CCDC141: variants seen among roughly 807,000 people sequenced by gnomAD.
CCDC141 encodes coiled-coil domain-containing protein 141.
CCDC141 carries 168 observed loss-of-function variants against 181.0 expected under a neutral mutation model. The observed-to-expected ratio is 0.93, with a 90% CI of 0.82 to 1.05. The LOEUF is 1.05. CCDC141 is among the 50% of genes least tolerant of loss of function. The probability of loss-of-function intolerance (pLI) is 0.00; values close to 1 mark genes in which losing one functional copy is unlikely to be tolerated. For synonymous variants in CCDC141, 666 were observed against 642.3 expected, an observed-to-expected ratio of 1.04 and a Z score of -0.56; for missense variants, 1,902 against 1,788.5, an observed-to-expected ratio of 1.06 and a Z score of -1.14.
chr2:178,850,724 A>G (rs1452755547), intron 20 of CCDC141, among the ~76,000 whole-genome samples: 1 of 152,160 alleles, frequency 6.6e-6, no homozygotes, highest in African/African-American at 2.4e-5. Context: ...AAATGCCAAC[A>G]TTTCTGTGAA....
At chr2:178,872,553 G>T (rs1686169005) in intron 12 of CCDC141, among the ~76,000 whole-genome samples, 1 of 152,070 alleles carries the variant, frequency 6.6e-6, no homozygotes. Flanking sequence ...TTCCTACCTA[G>T]GGTCTGGTTA....
At chr2:178,836,803 G>C in intron 23 of CCDC141, 91 bp downstream of exon 23, 1 of 1,393,236 alleles carries the variant, frequency 7.2e-7, no homozygotes, top group Non-Finnish European at 9.8e-7. Context: ...TAATCAGCTA[G>C]CCCTAAACCT....
Position 178,878,027 on chromosome 2 carries a change from T to C in CCDC141, c.1836A>G (p.Leu612=), listed in dbSNP as rs1465337553. The C allele has an allele frequency of 1.9e-6, 3 of 1,613,940 alleles. No individual in the cohort carries two copies. The highest frequency in any genetic ancestry group is 1.1e-5 in the South Asian group (1 of 91,074). The change falls in exon 12 of 24, where the codon CTA becomes CTG. Residue 612 remains leucine, a synonymous_variant. Transcript: ENST00000443758. ...CSDSAEKQWQ[L]FLKKSFITQD... is the part of the protein sequence containing the mutation. ...GTGTTATAAAACTCTTCTTTAAAAATAGCTGCCACTGCTTCTCAGCCGAGT... is the reference window on the plus strand; with the variant it reads ...GTGTTATAAAACTCTTCTTTAAAAACAGCTGCCACTGCTTCTCAGCCGAGT...
intron 8 of CCDC141, among the ~76,000 whole-genome samples, chr2:178,893,001 T>C (rs1025448998): frequency 6.6e-6 from 1 of 152,180 alleles, no homozygotes; most frequent in Non-Finnish European, 1.5e-5. Context: ...GAAATATTGA[T>C]TGACCTTTGG....
chr2:178,920,290 T>C (rs1430436582), intron 6 of CCDC141, among the ~76,000 whole-genome samples: 1 of 152,244 alleles, frequency 6.6e-6, no homozygotes, highest in Non-Finnish European at 1.5e-5. Flanking sequence ...ACATTTGTTA[T>C]ATTACATTGT....
intron 2 of CCDC141, among the ~76,000 whole-genome samples, chr2:179,015,732 C>CAT (rs538759121): frequency 7.6e-6 from 1 of 131,858 alleles, no homozygotes; most frequent in African/African-American, 2.8e-5. Flanking sequence ...ATATATATCT[C>CAT]ATATATATAT....
In CCDC141 at chr2:178,974,291, C is replaced by A. The variant is rs79823654; in HGVS notation, c.526+766G>T. 2.3e-3 allele frequency among the ~76,000 whole-genome samples: 347 copies of A among 152,254 alleles called. 9 individuals carry two copies. The East Asian group carries it at 0.058, about 25-fold the overall frequency. Reference sequence around the variant, plus strand: ...ACTGTGACAAATGAATTCAAGAAACCTTTCTATCCAGACCCTATTCTATTT... The same window carrying A: ...ACTGTGACAAATGAATTCAAGAAACATTTCTATCCAGACCCTATTCTATTT... On this transcript the variant is annotated intron_variant, in intron 4 of 23. Transcript: ENST00000443758.
rs1227712091 is a variant in CCDC141 at position 178,918,896 on chromosome 2, A to G, written c.909T>C (p.Ser303=). 6.5e-7 allele frequency: 1 copy of G among 1,550,374 alleles called. No individual in the cohort carries two copies. Among genetic ancestry groups the G allele is most frequent in the Admixed American group, 2.0e-5 (1 of 50,988 alleles). Residue 303 remains serine (S), a synonymous_variant, in exon 7 of 24, where the codon TCT becomes TCC. Transcript: ENST00000443758. ...ELIIKAKEWN[S]AVEKLKSEAL... is the part of the protein sequence containing the mutation. ...CCTCACTCTTCAGCTTCTCAACAGC[A>G]GAATTCCATTCCTGCAAGAGATTAT...
At chr2:178,819,993 T>TA in the CCDC141 span, among the ~76,000 whole-genome samples, 1 of 152,128 alleles carries the variant, frequency 6.6e-6, no homozygotes, top group Non-Finnish European at 1.5e-5. Context: ...CATAAATAAA[T>TA]AAATATATTT....
chr2:178,891,917 T>A (rs1164823622), intron 8 of CCDC141, among the ~76,000 whole-genome samples: 1 of 152,116 alleles, frequency 6.6e-6, no homozygotes, highest in East Asian at 1.9e-4. Context: ...TATTCTTATA[T>A]CCCTTGTAGC....
chr2:178,987,557 G>C (rs540389737), intron 2 of CCDC141, among the ~76,000 whole-genome samples: 3 of 151,348 alleles, frequency 2.0e-5, no homozygotes, highest in Non-Finnish European at 4.4e-5. Flanking sequence ...GAAAATTTTC[G>C]CAACCTACTC....
At chr2:178,961,653 G>T (rs933774712) in intron 4 of CCDC141, among the ~76,000 whole-genome samples, 170 bp from the exon 5 acceptor site, 5 of 152,186 alleles carry the variant, frequency 3.3e-5, no homozygotes, top group African/African-American at 1.2e-4. Context: ...GTACTTCAGA[G>T]AAAAAACTGG....
chr2:179,015,133 TATC>T (rs2042426836), intron 2 of CCDC141, among the ~76,000 whole-genome samples: 3 of 95,118 alleles, frequency 3.2e-5, no homozygotes, highest in South Asian at 6.2e-4. Flanking sequence ...ATATATATCA[TATC>T]ATATATATCA....
At chr2:178,964,342 C>CTTACACATAATGTG (rs1260198599) in intron 4 of CCDC141, among the ~76,000 whole-genome samples, 1 of 152,166 alleles carries the variant, frequency 6.6e-6, no homozygotes, top group African/African-American at 2.4e-5. Flanking sequence ...CTTCCTCTAA[C>CTTACACATAATGTG]TAACTCTTAC....
intron 2 of CCDC141, among the ~76,000 whole-genome samples, chr2:179,016,535 T>A (rs1575351871): frequency 6.6e-6 from 1 of 152,090 alleles, no homozygotes; most frequent in Admixed American, 6.6e-5. Flanking sequence ...CATCTTCACA[T>A]AAGCTTCTAG....
At chr2:179,030,059 A>C (rs193170861) in intron 2 of CCDC141, among the ~76,000 whole-genome samples, 2 of 152,250 alleles carry the variant, frequency 1.3e-5, no homozygotes, top group Non-Finnish European at 1.5e-5. Flanking sequence ...AATGGCTATA[A>C]ACACTGATAG....
chr2:178,902,288 G>C lies in CCDC141; in HGVS notation c.1265+3041C>G, dbSNP rs558003027. On this transcript the variant is annotated intron_variant, in intron 8 of 23. Transcript: ENST00000443758. ...TTCATATGGCAACAAAAAAGAGCCT[G>C]CATCGCCAAGTCAATCCTAAGCCAA... Among the ~76,000 whole-genome samples the C allele has an allele frequency of 3.7e-4, 57 of 152,218 alleles. No individual in the cohort carries two copies. The East Asian group carries it at 0.011, about 29-fold the overall frequency.
At chr2:178,852,017 C>G (rs1246337740) in intron 20 of CCDC141, among the ~76,000 whole-genome samples, 1 of 152,170 alleles carries the variant, frequency 6.6e-6, no homozygotes, top group Non-Finnish European at 1.5e-5. Flanking sequence ...TTCATTTACT[C>G]ATTCAGTGAT....
chr2:178,866,190 T>C (rs1037547627), intron 16 of CCDC141, among the ~76,000 whole-genome samples: 1 of 152,184 alleles, frequency 6.6e-6, no homozygotes, highest in Non-Finnish European at 1.5e-5. Context: ...CATTATAGGG[T>C]ATAATTTTTA....
Sources: gnomAD v4.1 joint callset for allele counts (sites outside exome capture counted in the v4.1 genomes callset) on GRCh38, gnomAD v4.1.1 for gene constraint, MANE v1.5 for transcripts, NCBI Gene and HGNC (gene_info 2026-07-23, HGNC 2026-07-21) for gene names.